Variants in CSMD1 observed in about 807,000 individuals in gnomAD.
The protein encoded by CSMD1 is CUB and Sushi multiple domains 1.
In CSMD1, 213 loss-of-function variants were observed where a neutral mutation model predicts 417.5. The observed-to-expected ratio is 0.51, with a 90% CI of 0.46 to 0.57. The LOEUF (loss-of-function observed/expected upper bound fraction) is 0.57, where lower values mean the gene tolerates loss of function less well. Among genes scored for constraint, CSMD1 ranks in the 20% least tolerant of loss-of-function variants. The pLI is 0.00. For missense variants in CSMD1, 6,923 were observed against 4,529.7 expected (o/e 1.53, Z -15.17); for synonymous variants, 2,862 against 1,736.8 (o/e 1.65, Z -16.11).
rs1453120258 is a variant in CSMD1 at position 3,199,904 on chromosome 8, T to G, written c.5099-95A>C. 3 of 688,362 alleles carry G rather than the reference T, an allele frequency of 4.4e-6. No individual in the cohort carries two copies. The East Asian group carries it at 8.5e-5, about 20-fold the overall frequency. 42.6% of individuals were successfully genotyped at this position (688,362 alleles called of 1,614,324 possible). A position where few individuals can be genotyped will look rare whatever the true frequency, so the allele number is the denominator to read the frequency against. ...TGGTGATAAAGTTGAAATTTCACAT[T>G]TATTTTTTGAACTTTTAAAACATTT... On this transcript the variant is annotated intron_variant, in intron 32 of 69. Transcript: ENST00000635120.
At position 3,068,475 on chromosome 8, in the gene CSMD1, A is replaced by C. The variant is rs566352087; in HGVS notation, c.7475-15828T>G. ...ATTAATGACATAATATTAATAAATA[A>C]ATACATATGCACATGTGTATTAGGC... On this transcript the variant is annotated intron_variant, in intron 49 of 69. Coordinates refer to ENST00000635120, the MANE Select transcript of CSMD1 (RefSeq NM_033225.6). 7.2e-4 allele frequency among the ~76,000 whole-genome samples: 109 copies of C among 152,318 alleles called. No individual in the cohort carries two copies. In the South Asian group the frequency reaches 0.02, roughly 28 times the overall value.
chr8:3,920,024 T>C lies in CSMD1; in HGVS notation c.818+77879A>G, dbSNP rs1009890590. Among the ~76,000 whole-genome samples the C allele has an allele frequency of 2.2e-4, 34 of 151,198 alleles. 1 individual carries two copies. The highest frequency in any genetic ancestry group is 2.2e-3 in the Admixed American group (34 of 15,208). On this transcript the variant is annotated intron_variant, in intron 5 of 69. Transcript: ENST00000635120. ...TTTACTTTAGGATTTACCAAATTTG[T>C]TTTTTACTTTTTTGTTTTTCTTCCC...
At position 4,146,878 on chromosome 8, in the gene CSMD1, G is replaced by A. The variant is rs539611973; in HGVS notation, c.416-114779C>T. 1.1e-4 allele frequency among the ~76,000 whole-genome samples: 16 copies of A among 144,712 alleles called. 1 individual carries two copies. Among genetic ancestry groups the A allele is most frequent in the African/African-American group, 2.3e-4 (8 of 34,708 alleles). 94.9% of individuals were successfully genotyped at this position (144,712 alleles called of 152,430 possible). A position where few individuals can be genotyped will look rare whatever the true frequency, so the allele number is the denominator to read the frequency against. ...GCCCGCCTCAGCCTCCCAAAGTGCC[G>A]GCGTGATTACATGTGTGAGCCACCG... On this transcript the variant is annotated intron_variant, in intron 3 of 69. Coordinates refer to ENST00000635120, the MANE Select transcript of CSMD1 (RefSeq NM_033225.6).
chr8:4,348,497 C>G (rs17069987), intron 3 of CSMD1, among the ~76,000 whole-genome samples: 1 of 151,172 alleles, frequency 6.6e-6, no homozygotes, highest in African/African-American at 2.4e-5. Context: ...AAAAAGGTAG[C>G]TTAATAAGTT....
At chr8:4,595,981 A>T (rs934942285) in intron 2 of CSMD1, among the ~76,000 whole-genome samples, 2 of 152,080 alleles carry the variant, frequency 1.3e-5, no homozygotes, top group Non-Finnish European at 2.9e-5. Flanking sequence ...TCAAATCCAG[A>T]GATCCCACAT....
intron 3 of CSMD1, among the ~76,000 whole-genome samples, chr8:4,328,543 T>C (rs1799688072): frequency 6.6e-6 from 1 of 152,064 alleles, no homozygotes; most frequent in African/African-American, 2.4e-5. Flanking sequence ...ACTCTATAAA[T>C]ATACACACTA....
At chr8:4,345,389 A>G (rs1800722762) in intron 3 of CSMD1, among the ~76,000 whole-genome samples, 1 of 152,156 alleles carries the variant, frequency 6.6e-6, no homozygotes, top group Admixed American at 6.5e-5. Context: ...CTTATGCAAT[A>G]GAGTATTTTC....
chr8:3,573,031 ACT>A (rs10648583), intron 10 of CSMD1, among the ~76,000 whole-genome samples: 2 of 142,264 alleles, frequency 1.4e-5, no homozygotes, highest in Non-Finnish European at 3.2e-5. Flanking sequence ...TTGAAATAAA[ACT>A]CTTTTTTGTT....
At chr8:4,180,733 T>C (rs1191864355) in intron 3 of CSMD1, among the ~76,000 whole-genome samples, 1 of 152,128 alleles carries the variant, frequency 6.6e-6, no homozygotes, top group East Asian at 1.9e-4. Context: ...AATGGAAACA[T>C]GGCACTAACT....
chr8:3,535,802 G>A (rs1431666260), intron 10 of CSMD1, among the ~76,000 whole-genome samples: 3 of 152,148 alleles, frequency 2.0e-5, no homozygotes, highest in Non-Finnish European at 4.4e-5. Flanking sequence ...CCCAAGGGCT[G>A]GATTCCTTGC....
At chr8:3,788,939 G>T (rs1469981337) in intron 5 of CSMD1, among the ~76,000 whole-genome samples, 1 of 152,196 alleles carries the variant, frequency 6.6e-6, no homozygotes, top group African/African-American at 2.4e-5. Flanking sequence ...GTATTTCCTA[G>T]ACAGTATTGT....
intron 1 of CSMD1, among the ~76,000 whole-genome samples, chr8:4,975,825 T>A (rs1455523882): frequency 6.8e-6 from 1 of 146,604 alleles, no homozygotes; most frequent in Non-Finnish European, 1.5e-5. Flanking sequence ...TTTGCAATAA[T>A]AGAAAAAAAC....
intron 3 of CSMD1, among the ~76,000 whole-genome samples, chr8:4,038,968 A>G (rs1797752553): frequency 6.6e-6 from 1 of 152,212 alleles, no homozygotes; most frequent in Non-Finnish European, 1.5e-5. Context: ...TTGGGCTATC[A>G]CATCAAACCT....
At chr8:4,642,702 C>A (rs1482373897) in intron 1 of CSMD1, among the ~76,000 whole-genome samples, 1 of 152,142 alleles carries the variant, frequency 6.6e-6, no homozygotes, top group East Asian at 1.9e-4. Flanking sequence ...TCGTGCACAG[C>A]CTTTGAAGTG....
intron 10 of CSMD1, among the ~76,000 whole-genome samples, chr8:3,530,843 T>C (rs556249133): frequency 9.5e-5 from 14 of 147,558 alleles, no homozygotes; most frequent in African/African-American, 3.5e-4. Context: ...GCAGTGAATC[T>C]TGACGCCTCT....
chr8:3,262,712 T>C (rs1168106016), intron 26 of CSMD1, among the ~76,000 whole-genome samples: 2 of 152,030 alleles, frequency 1.3e-5, no homozygotes, highest in African/African-American at 4.8e-5. Flanking sequence ...CCCTCGAGAG[T>C]TCATTGTAAT....
chr8:3,224,510 CA>C (rs1798387945), intron 27 of CSMD1, among the ~76,000 whole-genome samples: 1 of 152,156 alleles, frequency 6.6e-6, no homozygotes, highest in Admixed American at 6.5e-5. Context: ...CCCCATATTT[CA>C]AAGTGGCAAA....
chr8:3,893,092 C>G (rs569989042), intron 5 of CSMD1, among the ~76,000 whole-genome samples: 136 of 151,832 alleles, frequency 9.0e-4, no homozygotes, highest in African/African-American at 3.1e-3. Flanking sequence ...AATTAGCTTT[C>G]TATTATCTCT....
chr8:4,005,411 C>T (rs1465297443), intron 4 of CSMD1, among the ~76,000 whole-genome samples: 1 of 152,226 alleles, frequency 6.6e-6, no homozygotes, highest in East Asian at 1.9e-4. Context: ...ACTCCCTCTG[C>T]AACCAATTAG....
Sources: gnomAD v4.1 joint callset for allele counts (sites outside exome capture counted in the v4.1 genomes callset) on GRCh38, gnomAD v4.1.1 for gene constraint, MANE v1.5 for transcripts, NCBI Gene and HGNC (gene_info 2026-07-23, HGNC 2026-07-21) for gene names.